Variants in HMG20A observed in about 807,000 individuals in gnomAD.
HMG20A encodes high mobility group 20A.
A neutral mutation model predicts 43.9 loss-of-function variants in HMG20A; 17 were observed. The observed-to-expected ratio is 0.39, with a 90% confidence interval of 0.27 to 0.58. The LOEUF is 0.58. Ranked by LOEUF, HMG20A falls within the 20% of genes least tolerant of loss-of-function variation. The pLI is 0.59. For synonymous variants in HMG20A, 132 were observed against 147.5 expected (o/e 0.89, Z 0.76); for missense variants, 341 against 438.2 (o/e 0.78, Z 1.98).
the HMG20A span, among the ~76,000 whole-genome samples, chr15:77,512,901 A>G: frequency 3.3e-5 from 5 of 152,308 alleles, no homozygotes; most frequent in Middle Eastern, 3.4e-3. Context: ...GGGCAAACTG[A>G]CCACGAATAA....
chr15:77,450,779 G>A lies in HMG20A; in HGVS notation c.-4-7625G>A, dbSNP rs141936492. ...GTGTTTTTATTGTGACCCATTACGT[G>A]AAGTCCCATGTGGAATTTTTGTATT... On this transcript the variant is annotated intron_variant, in intron 1 of 9. Transcript: ENST00000336216. 4.8e-3 allele frequency among the ~76,000 whole-genome samples: 737 copies of A among 152,312 alleles called. 4 individuals carry two copies. The highest frequency in any genetic ancestry group is 0.017 in the African/African-American group (693 of 41,558).
chr15:77,430,339 A>G (rs767381381), intron 1 of HMG20A, among the ~76,000 whole-genome samples: 86 of 152,332 alleles, frequency 5.6e-4, no homozygotes, highest in Middle Eastern at 3.4e-3. Context: ...AGCCCAAGCT[A>G]TGGTTTCCAC....
chr15:77,421,114 C>G (rs2073316625), intron 1 of HMG20A, 110 bp downstream of exon 1: 1 of 282,218 alleles, frequency 3.5e-6, no homozygotes. Context: ...AGTTGGAGGC[C>G]GGCTGAATGG....
chr15:77,510,840 G>C, the HMG20A span, among the ~76,000 whole-genome samples: 1 of 152,238 alleles, frequency 6.6e-6, no homozygotes, highest in African/African-American at 2.4e-5. Flanking sequence ...GCACGTCCCT[G>C]AGCTTTCAGC....
intron 1 of HMG20A, among the ~76,000 whole-genome samples, chr15:77,422,485 G>A (rs992413818): frequency 6.6e-6 from 1 of 152,200 alleles, no homozygotes; most frequent in Non-Finnish European, 1.5e-5. Flanking sequence ...GCGTGGTGGC[G>A]TGCGCCTGTA....
At chr15:77,510,997 G>A in the HMG20A span, among the ~76,000 whole-genome samples, 3 of 152,192 alleles carry the variant, frequency 2.0e-5, no homozygotes, top group African/African-American at 4.8e-5. Context: ...CCAACACTTC[G>A]TGAAAGCAGC....
At chr15:77,495,634 T>A in the HMG20A span, among the ~76,000 whole-genome samples, 2 of 151,774 alleles carry the variant, frequency 1.3e-5, no homozygotes, top group Non-Finnish European at 2.9e-5. Flanking sequence ...TTAGATAGAG[T>A]GTCCCAAAAG....
chr15:77,505,768 C>T, the HMG20A span, among the ~76,000 whole-genome samples: 1 of 152,250 alleles, frequency 6.6e-6, no homozygotes, highest in Non-Finnish European at 1.5e-5. Flanking sequence ...CATGTCCATG[C>T]AGAACACCTG....
downstream of HMG20A, among the ~76,000 whole-genome samples, chr15:77,489,345 G>T (rs2072961117): frequency 6.6e-6 from 1 of 152,206 alleles, no homozygotes; most frequent in Non-Finnish European, 1.5e-5. Flanking sequence ...TGCAGTTACA[G>T]AACAGGGAAC....
the HMG20A span, among the ~76,000 whole-genome samples, chr15:77,511,849 C>G: frequency 6.6e-6 from 1 of 152,286 alleles, no homozygotes; most frequent in East Asian, 1.9e-4. Flanking sequence ...AACCGTATGG[C>G]AGATCCTCAA....
chr15:77,430,068 TGGA>T (rs2073468381), intron 1 of HMG20A, among the ~76,000 whole-genome samples: 2 of 152,206 alleles, frequency 1.3e-5, no homozygotes, highest in Admixed American at 6.5e-5. Context: ...GAAAAGGAAA[TGGA>T]GGATAACTAT....
chr15:77,504,957 T>C, the HMG20A span, among the ~76,000 whole-genome samples: 1 of 152,208 alleles, frequency 6.6e-6, no homozygotes, highest in South Asian at 2.1e-4. Context: ...TTTAGCGTCC[T>C]TGGGGGTGCC....
At chr15:77,476,739 T>G (rs1260397659) in intron 6 of HMG20A, among the ~76,000 whole-genome samples, 3 of 152,194 alleles carry the variant, frequency 2.0e-5, no homozygotes, top group Admixed American at 2.0e-4. Flanking sequence ...ATATTCACAA[T>G]GCTTTCAACT....
intron 1 of HMG20A, among the ~76,000 whole-genome samples, chr15:77,453,977 C>T (rs2072630605): frequency 1.3e-5 from 2 of 149,796 alleles, no homozygotes; most frequent in African/African-American, 4.9e-5. Flanking sequence ...TCAAGACAGC[C>T]TGGGCAACAT....
intron 1 of HMG20A, among the ~76,000 whole-genome samples, chr15:77,423,973 T>C (rs1183609084): frequency 1.3e-5 from 2 of 152,214 alleles, no homozygotes; most frequent in Admixed American, 6.5e-5. Flanking sequence ...GTTTAGAGTG[T>C]CTACTATATG....
chr15:77,470,033 C>G (rs1402841159), intron 4 of HMG20A, among the ~76,000 whole-genome samples: 1 of 152,150 alleles, frequency 6.6e-6, no homozygotes, highest in African/African-American at 2.4e-5. Flanking sequence ...ATAAATCATA[C>G]TAATAATAGT....
chr15:77,430,576 A>G (rs1453324849), intron 1 of HMG20A, among the ~76,000 whole-genome samples: 1 of 152,232 alleles, frequency 6.6e-6, no homozygotes, highest in Non-Finnish European at 1.5e-5. Context: ...AGATGCTGTG[A>G]AACTTAGCAG....
At chr15:77,504,480 C>T in the HMG20A span, among the ~76,000 whole-genome samples, 4 of 152,232 alleles carry the variant, frequency 2.6e-5, no homozygotes, top group East Asian at 1.9e-4. Flanking sequence ...GAACCCTTTG[C>T]GCGGGGTGCG....
the HMG20A span, among the ~76,000 whole-genome samples, chr15:77,516,254 C>A: frequency 6.6e-6 from 1 of 152,188 alleles, no homozygotes; most frequent in Non-Finnish European, 1.5e-5. Flanking sequence ...TCATCGCTGG[C>A]AACGATGGCA....
Sources: gnomAD v4.1 joint callset for allele counts (sites outside exome capture counted in the v4.1 genomes callset) on GRCh38, gnomAD v4.1.1 for gene constraint, MANE v1.5 for transcripts, NCBI Gene and HGNC (gene_info 2026-07-23, HGNC 2026-07-21) for gene names.